Variants in TCTN3 observed in about 807,000 individuals in gnomAD.
TCTN3 encodes tectonic family member 3.
TCTN3 carries 57 observed loss-of-function variants against 71.3 expected under a neutral mutation model. The observed-to-expected ratio is 0.80, with a 90% CI of 0.65 to 1.00. The LOEUF (loss-of-function observed/expected upper bound fraction) is 1.00. Ranked by LOEUF, TCTN3 falls within the 50% of genes least tolerant of loss-of-function variation. The probability of loss-of-function intolerance (pLI) is 0.00; values close to 1 mark genes in which losing one functional copy is unlikely to be tolerated. For synonymous variants in TCTN3, 258 were observed against 267.8 expected (o/e 0.96, Z 0.36); for missense variants, 696 against 719.9 (o/e 0.97, Z 0.38).
Position 95,683,150 on chromosome 10 carries a change from T to C in TCTN3, c.1249A>G (p.Arg417Gly), listed in dbSNP as rs1350502983. The C allele has an allele frequency of 5.6e-6, 9 of 1,614,068 alleles. No individual in the cohort carries two copies. The Admixed American group carries it at 1.5e-4, about 27-fold the overall frequency. Residue 417 changes from arginine to glycine, a missense_variant, in exon 11 of 14, where the codon AGA becomes GGA. Physicochemically the swap from Arg to Gly is moderately radical, Grantham distance 125. Transcript: ENST00000371217. ...TTCACTCCAAACTGCACTTCATGTC[T>C]TTTAACAGAGCAACTTCCATTACCC... ...SQGNGSCSVK[R>G]HEVQFGVNAI... is the part of the protein sequence containing the mutation.
At position 95,680,367 on chromosome 10, in the gene TCTN3, C is replaced by T. The variant is rs571480111; in HGVS notation, c.1590+105G>A. The T allele has an allele frequency of 5.1e-6, 7 of 1,378,128 alleles. No homozygotes were observed. The East Asian group carries it at 1.5e-4, about 29-fold the overall frequency. 85.4% of individuals were successfully genotyped at this position (1,378,128 alleles called of 1,614,324 possible). On this transcript the variant is annotated intron_variant, in intron 13 of 13. Transcript: ENST00000371217. The stretch of plus-strand genomic sequence containing the variant: ...ACTTTAAACAAACATTGGTTGCTAA[C>T]ATAAATTAGCTCTTGGAAGGTAAAA...
chr10:95,688,397 G>GAAAAAAAAAAAAAAAAAAAA (rs60722894), intron 3 of TCTN3, among the ~76,000 whole-genome samples: 16 of 104,574 alleles, frequency 1.5e-4, no homozygotes, highest in East Asian at 2.9e-4. Flanking sequence ...TCAAAAAAAA[G>GAAAAAAAAAAAAAAAAAAAA]AAAAAAAAAA....
At chr10:95,687,789 A>T (rs2097949897) in intron 3 of TCTN3, 70 bp from the exon 4 acceptor site, 3 of 1,543,072 alleles carry the variant, frequency 1.9e-6, no homozygotes, top group Non-Finnish European at 2.6e-6. Context: ...ATTTTAAAAA[A>T]TATTTTTATT....
At chr10:95,674,648 C>T (rs766307004) in intron 13 of TCTN3, among the ~76,000 whole-genome samples, 46 of 152,100 alleles carry the variant, frequency 3.0e-4, no homozygotes, top group Non-Finnish European at 5.6e-4. Context: ...CTTTACATTT[C>T]TTTGTCCAAA....
At chr10:95,666,745 C>G (rs1399239150) in intron 13 of TCTN3, among the ~76,000 whole-genome samples, 1 of 152,230 alleles carries the variant, frequency 6.6e-6, no homozygotes, top group African/African-American at 2.4e-5. Context: ...ATGTGTTATT[C>G]TAAGTTATTT....
At chr10:95,686,055 C>T (rs998733007) in intron 7 of TCTN3, among the ~76,000 whole-genome samples, 4 of 152,130 alleles carry the variant, frequency 2.6e-5, no homozygotes, top group African/African-American at 9.7e-5. Context: ...AGCAAGATCC[C>T]CATCTCTACA....
chr10:95,675,482 G>T (rs2097936088), intron 13 of TCTN3, among the ~76,000 whole-genome samples: 1 of 152,170 alleles, frequency 6.6e-6, no homozygotes, highest in East Asian at 1.9e-4. Context: ...ATAAACCCCA[G>T]CTGAATGAAC....
intron 8 of TCTN3, among the ~76,000 whole-genome samples, chr10:95,684,963 G>C (rs916939920): frequency 1.3e-5 from 2 of 152,186 alleles, no homozygotes; most frequent in Non-Finnish European, 2.9e-5. Context: ...GGTTTACTTG[G>C]CTCTCACAAT....
At position 95,681,976 on chromosome 10, in the gene TCTN3, C is replaced by T. The variant is rs1199240236; in HGVS notation, c.1452+675G>A. Among the ~76,000 whole-genome samples the T allele has an allele frequency of 4.0e-4, 61 of 151,760 alleles. 2 individuals are homozygous for T. The highest frequency in any genetic ancestry group is 4.0e-3 in the Admixed American group (61 of 15,242). ...TTGGGAGGCCAAGGCAGGAGGATCACTTGAGCCCAGGAGTTTGAGACCATC... is the reference window on the plus strand; with the variant it reads ...TTGGGAGGCCAAGGCAGGAGGATCATTTGAGCCCAGGAGTTTGAGACCATC... On this transcript the variant is annotated intron_variant, in intron 12 of 13. Coordinates refer to ENST00000371217, the MANE Select transcript of TCTN3 (RefSeq NM_015631.6).
chr10:95,683,043 AACATATTCCCT>A, intron 11 of TCTN3, 47 bp downstream of exon 11: 35 of 1,485,746 alleles, frequency 2.4e-5, no homozygotes, highest in Non-Finnish European at 3.3e-5. Flanking sequence ...TTACCATATC[AACATATTCCCT>A]ACATATTCCC....
chr10:95,693,241 T>C lies in TCTN3; in HGVS notation c.380+112A>G, dbSNP rs945829406. 5 of 1,481,428 alleles carry C rather than the reference T, an allele frequency of 3.4e-6. No homozygotes were observed. In the African/African-American group the frequency reaches 5.6e-5, roughly 17 times the overall value. The allele number at this position is 1,481,428 out of a possible 1,614,324, so 91.8% of individuals were successfully genotyped here. A position where few individuals can be genotyped will look rare whatever the true frequency, so the allele number is the denominator to read the frequency against. On this transcript the variant is annotated intron_variant, in intron 2 of 13. Coordinates refer to ENST00000371217, the MANE Select transcript of TCTN3 (RefSeq NM_015631.6). ...CCTAGGAAAAACCAAGGGAATGTCC[T>C]AGGAGTGGAAGTACGGGTGGGAGGC...
chr10:95,687,827 TAA>T, intron 3 of TCTN3, 108 bp from the exon 4 acceptor site: 1 of 1,309,508 alleles, frequency 7.6e-7, no homozygotes. Context: ...GTGCAAATCT[TAA>T]GTGTAAACTC....
At position 95,693,371 on chromosome 10, in the gene TCTN3, CAGA is replaced by C. The variant is rs2081129508; in HGVS notation, c.359_361del (p.Phe120del). The C allele has an allele frequency of 6.4e-7, 1 of 1,551,872 alleles. No individual in the cohort carries two copies. Among genetic ancestry groups the C allele is most frequent in the South Asian group, 1.2e-5 (1 of 84,066 alleles). On this transcript the variant is annotated inframe_deletion, in exon 2 of 14. Transcript: ENST00000371217. Reference sequence around the variant, plus strand: ...AGCTCACCTTACGCTGCCTGGAAGGCAGAAGGAGAAAACTGTCCTCGGATGGAG... The same window carrying C: ...AGCTCACCTTACGCTGCCTGGAAGGCAGGAGAAAACTGTCCTCGGATGGAG...
chr10:95,664,180 A>T lies in TCTN3; in HGVS notation c.1711T>A (p.Phe571Ile), dbSNP rs1412622101. The change falls in exon 14 of 14, where the codon TTT (phenylalanine) becomes ATT (isoleucine). Residue 571 changes from phenylalanine (F) to isoleucine (I), a missense_variant. Physicochemically the swap from Phe to Ile is conservative, Grantham distance 21. Transcript: ENST00000371217. ...CTGCTGAATGCCACTTTGAAGGGAA[A>T]GAAGTCGAATGGCCATTTCCAGTCC... Reference protein sequence around the residue: ...KMDWKWPFDFFPFKVAFSRGV... With the variant: ...KMDWKWPFDFIPFKVAFSRGV... 6.2e-7 allele frequency: 1 copy of T among 1,614,220 alleles called. No individual in the cohort carries two copies. The highest frequency in any genetic ancestry group is 2.2e-5 in the East Asian group (1 of 44,888).
intron 13 of TCTN3, 151 bp downstream of exon 13, chr10:95,680,321 C>T (rs1315259991): frequency 1.0e-6 from 1 of 1,003,742 alleles, no homozygotes; most frequent in Non-Finnish European, 1.4e-6. Context: ...GGTGAATAGA[C>T]TTGACAAATT....
At chr10:95,691,927 T>G (rs1489440075) in intron 3 of TCTN3, among the ~76,000 whole-genome samples, 1 of 152,220 alleles carries the variant, frequency 6.6e-6, no homozygotes, top group Non-Finnish European at 1.5e-5. Flanking sequence ...GTATAGCTGG[T>G]AAGGAAATGG....
chr10:95,671,736 G>C (rs528729360), intron 13 of TCTN3, among the ~76,000 whole-genome samples: 1 of 152,060 alleles, frequency 6.6e-6, no homozygotes, highest in Non-Finnish European at 1.5e-5. Flanking sequence ...AGACTCAGGC[G>C]TGTGCCACCT....
In TCTN3 at chr10:95,688,473, T is replaced by A. The variant is rs1427048756; in HGVS notation, c.500-754A>T. Among the ~76,000 whole-genome samples, 4 of 148,582 alleles carry A rather than the reference T, an allele frequency of 2.7e-5. No individual in the cohort carries two copies. In the Admixed American group the frequency reaches 2.7e-4, roughly 10 times the overall value. On this transcript the variant is annotated intron_variant, in intron 3 of 13. Coordinates refer to ENST00000371217, the MANE Select transcript of TCTN3 (RefSeq NM_015631.6). ...ATGCTCATGTCTGCCCCATACCAGA[T>A]GAGTCTCTAACAGAATCGCACTATT...
intron 2 of TCTN3, 100 bp downstream of exon 2, chr10:95,693,253 T>C: frequency 6.7e-7 from 1 of 1,502,948 alleles, no homozygotes; most frequent in African/African-American, 1.4e-5. Flanking sequence ...GGAGTGGAAG[T>C]ACGGGTGGGA....
Sources: gnomAD v4.1 joint callset for allele counts (sites outside exome capture counted in the v4.1 genomes callset) on GRCh38, gnomAD v4.1.1 for gene constraint, MANE v1.5 for transcripts, NCBI Gene and HGNC (gene_info 2026-07-23, HGNC 2026-07-21) for gene names.